CACNA2D3: variants seen among roughly 807,000 people sequenced by gnomAD.
CACNA2D3 encodes the protein voltage-dependent calcium channel subunit alpha-2/delta-3.
In CACNA2D3, 60 loss-of-function variants were observed where a neutral mutation model predicts 160.6. The ratio of observed to expected loss-of-function variants is 0.37; its 90% CI spans 0.30 to 0.46. The LOEUF (loss-of-function observed/expected upper bound fraction) is 0.46. CACNA2D3 is among the 20% of genes least tolerant of loss of function. The pLI is 1.00. For missense variants in CACNA2D3, 1,205 were observed against 1,365.0 expected (o/e 0.88, Z 1.85); for synonymous variants, 558 against 492.9 (o/e 1.13, Z -1.75).
At chr3:54,939,653 T>C (rs1701413617) in intron 27 of CACNA2D3, among the ~76,000 whole-genome samples, 1 of 152,222 alleles carries the variant, frequency 6.6e-6, no homozygotes, top group South Asian at 2.1e-4. Context: ...AGAACGGAGC[T>C]ATCAGTCAGA....
In CACNA2D3 at chr3:54,163,445, A is replaced by G. The variant is rs373148455; in HGVS notation, c.204+39851A>G. On this transcript the variant is annotated intron_variant, in intron 2 of 37. Coordinates refer to ENST00000474759, the MANE Select transcript of CACNA2D3 (RefSeq NM_018398.3). The stretch of plus-strand genomic sequence containing the variant: ...ACCTGCCATTCTCTGGGAGACTGCT[A>G]TCCTTGTAGCAGAAGGAAAGGGCGA... Among the ~76,000 whole-genome samples the G allele has an allele frequency of 2.0e-5, 3 of 152,238 alleles. No individual in the cohort carries two copies. The East Asian group carries it at 5.8e-4, about 29-fold the overall frequency.
chr3:54,792,267 G>A (rs114524328), intron 13 of CACNA2D3, among the ~76,000 whole-genome samples: 360 of 152,180 alleles, frequency 2.4e-3, no homozygotes, highest in African/African-American at 8.3e-3. Flanking sequence ...TGATTGAATT[G>A]GGATCAGGGA....
At chr3:54,145,208 G>T (rs1454515223) in intron 2 of CACNA2D3, among the ~76,000 whole-genome samples, 1 of 152,182 alleles carries the variant, frequency 6.6e-6, no homozygotes, top group Non-Finnish European at 1.5e-5. Flanking sequence ...AGTAATAATA[G>T]GAATTAACAA....
intron 35 of CACNA2D3, among the ~76,000 whole-genome samples, chr3:55,018,838 C>G (rs566846089): frequency 6.6e-6 from 1 of 151,682 alleles, no homozygotes; most frequent in Non-Finnish European, 1.5e-5. Flanking sequence ...GTGATTGGAT[C>G]TACTCTTACT....
intron 4 of CACNA2D3, among the ~76,000 whole-genome samples, chr3:54,393,969 G>A (rs1699327902): frequency 6.6e-6 from 1 of 152,142 alleles, no homozygotes. Flanking sequence ...TGGGTACCTT[G>A]TTGCTGCTGC....
chr3:54,882,341 A>G (rs1699818426), intron 21 of CACNA2D3, among the ~76,000 whole-genome samples: 1 of 152,116 alleles, frequency 6.6e-6, no homozygotes, highest in Non-Finnish European at 1.5e-5. Flanking sequence ...CCCTTGGTCA[A>G]TCCTCAATAC....
chr3:54,729,520 GCA>G (rs1427597169), intron 11 of CACNA2D3, among the ~76,000 whole-genome samples: 8 of 152,148 alleles, frequency 5.3e-5, no homozygotes, highest in African/African-American at 1.9e-4. Flanking sequence ...CACTGATTGT[GCA>G]CAGTCATTGG....
At chr3:54,591,569 T>TTTG (rs1340885030) in intron 9 of CACNA2D3, among the ~76,000 whole-genome samples, 3 of 141,994 alleles carry the variant, frequency 2.1e-5, no homozygotes, top group African/African-American at 8.3e-5. Context: ...TGAAAAAAGT[T>TTTG]TTTTTTTTTT....
chr3:55,033,717 T>TAA (rs1703731906), intron 35 of CACNA2D3, among the ~76,000 whole-genome samples: 3 of 126,464 alleles, frequency 2.4e-5, no homozygotes, highest in African/African-American at 2.9e-5. Flanking sequence ...TAATATATAT[T>TAA]ATATATTAAA....
At chr3:54,754,442 A>T (rs1701933722) in intron 12 of CACNA2D3, among the ~76,000 whole-genome samples, 1 of 152,116 alleles carries the variant, frequency 6.6e-6, no homozygotes, top group African/African-American at 2.4e-5. Context: ...CATATAAATA[A>T]AGTTGGTAGC....
At chr3:54,752,461 A>G (rs1413150640) in intron 11 of CACNA2D3, 138 bp from the exon 12 acceptor site, 4 of 637,044 alleles carry the variant, frequency 6.3e-6, no homozygotes, top group Non-Finnish European at 1.2e-5. Context: ...TATACTTCAG[A>G]TGTCTTAAAT....
chr3:54,659,600 G>T (rs1699932763), intron 11 of CACNA2D3, among the ~76,000 whole-genome samples: 1 of 152,180 alleles, frequency 6.6e-6, no homozygotes, highest in African/African-American at 2.4e-5. Flanking sequence ...GGGACCTGGG[G>T]AGTGTTGCCA....
chr3:54,303,645 T>C (rs768142056), intron 2 of CACNA2D3, among the ~76,000 whole-genome samples: 4 of 152,120 alleles, frequency 2.6e-5, no homozygotes, highest in Non-Finnish European at 5.9e-5. Context: ...TTCTCATCTC[T>C]CAGGAGTTGT....
chr3:54,235,564 A>AC (rs1460828109), intron 2 of CACNA2D3, among the ~76,000 whole-genome samples: 3 of 151,724 alleles, frequency 2.0e-5, no homozygotes, highest in African/African-American at 7.3e-5. Flanking sequence ...TGAGAAATCC[A>AC]CCCCCGTGAT....
chr3:55,052,626 C>G (rs1182181405), intron 35 of CACNA2D3, among the ~76,000 whole-genome samples: 1 of 152,078 alleles, frequency 6.6e-6, no homozygotes, highest in Non-Finnish European at 1.5e-5. Context: ...ATTTCTCTTT[C>G]AATGTGTATT....
intron 11 of CACNA2D3, among the ~76,000 whole-genome samples, chr3:54,664,712 G>T (rs1222030463): frequency 4.6e-5 from 7 of 152,212 alleles, no homozygotes; most frequent in African/African-American, 1.7e-4. Flanking sequence ...CCTAAGACTG[G>T]GTGGTGAGAC....
rs181343093 is a variant in CACNA2D3, at chr3:54,185,692, T to C, written c.204+62098T>C. Among the ~76,000 whole-genome samples, 192 of 152,330 alleles carry C rather than the reference T, an allele frequency of 1.3e-3. 1 individual carries two copies. Among genetic ancestry groups the C allele is most frequent in the African/African-American group, 4.5e-3 (187 of 41,566 alleles). The stretch of plus-strand genomic sequence containing the variant: ...AATACTCGACTCTGCTGTTGTTGTG[T>C]GAAAGCAGCCATAGACAATATTAAA... On this transcript the variant is annotated intron_variant, in intron 2 of 37. Coordinates refer to ENST00000474759, the MANE Select transcript of CACNA2D3 (RefSeq NM_018398.3).
chr3:54,920,738 G>T (rs1440554956), intron 27 of CACNA2D3, among the ~76,000 whole-genome samples: 1 of 152,196 alleles, frequency 6.6e-6, no homozygotes, highest in Non-Finnish European at 1.5e-5. Flanking sequence ...CAGCCAGAGA[G>T]CATGGAGACT....
chr3:54,306,748 T>A (rs552700890), intron 2 of CACNA2D3, among the ~76,000 whole-genome samples: 24 of 152,298 alleles, frequency 1.6e-4, no homozygotes, highest in African/African-American at 5.8e-4. Context: ...GTGTGGTGCC[T>A]GGAAGCAGCC....
Sources: allele counts gnomAD v4.1 joint callset (sites outside exome capture counted in the v4.1 genomes callset), GRCh38; gene constraint gnomAD v4.1.1; transcripts MANE v1.5; gene names NCBI Gene and HGNC (gene_info 2026-07-23, HGNC 2026-07-21).